The following GRIK4 variants were observed in gnomAD, a reference collection of about 807,000 sequenced individuals.
The protein encoded by GRIK4 is glutamate receptor ionotropic, kainate 4.
A neutral mutation model predicts 104.9 loss-of-function variants in GRIK4; 40 were observed. The ratio of observed to expected loss-of-function variants is 0.38; its 90% confidence interval spans 0.30 to 0.50. GRIK4 has a LOEUF of 0.50. GRIK4 is among the 20% of genes least tolerant of loss of function. The pLI, the probability that GRIK4 is intolerant of heterozygous loss-of-function variation, is 0.93. For missense variants in GRIK4, 1,047 were observed against 1,308.1 expected (o/e 0.80, Z 3.08); for synonymous variants, 485 against 524.9 (o/e 0.92, Z 1.04).
chr11:120,911,649 C>T (rs1416007322), intron 13 of GRIK4, among the ~76,000 whole-genome samples: 11 of 149,636 alleles, frequency 7.4e-5, no homozygotes, highest in Non-Finnish European at 1.5e-5. Context: ...CAAGACCAGC[C>T]TGGCCAACAT....
At chr11:120,865,541 A>G (rs78451682) in intron 9 of GRIK4, among the ~76,000 whole-genome samples, 5,322 of 152,308 alleles carry the variant, frequency 0.035, 286 homozygotes, top group African/African-American at 0.12. Flanking sequence ...AGGCCAGCCC[A>G]GCATATTCTT....
intron 1 of GRIK4, among the ~76,000 whole-genome samples, chr11:120,532,878 G>T (rs549832528): frequency 3.3e-5 from 5 of 152,260 alleles, no homozygotes; most frequent in African/African-American, 1.2e-4. Context: ...TGGAGACTTA[G>T]GGGATGAGCC....
chr11:120,838,590 C>T (rs1340261435), intron 8 of GRIK4, among the ~76,000 whole-genome samples: 4 of 152,058 alleles, frequency 2.6e-5, no homozygotes, highest in East Asian at 1.9e-4. Context: ...GTCAAGAAAA[C>T]GACAGCAGAA....
At chr11:120,785,859 C>T (rs1202932176) in intron 3 of GRIK4, among the ~76,000 whole-genome samples, 2 of 152,200 alleles carry the variant, frequency 1.3e-5, no homozygotes, top group Admixed American at 6.5e-5. Context: ...CTAACCTGCC[C>T]TCCTGGCCCT....
chr11:120,943,785 G>GT (rs772013956), intron 14 of GRIK4, among the ~76,000 whole-genome samples: 2 of 152,162 alleles, frequency 1.3e-5, no homozygotes, highest in Non-Finnish European at 2.9e-5. Flanking sequence ...TCAAACCTGT[G>GT]TGCGAATGTA....
intron 4 of GRIK4, among the ~76,000 whole-genome samples, chr11:120,806,821 C>T (rs565343885): frequency 1.3e-5 from 2 of 152,274 alleles, no homozygotes; most frequent in African/African-American, 2.4e-5. Flanking sequence ...TCAGCCCCCT[C>T]GTCTGATGGT....
intron 1 of GRIK4, among the ~76,000 whole-genome samples, chr11:120,587,670 C>G (rs780788724): frequency 1.2e-4 from 19 of 152,144 alleles, no homozygotes; most frequent in Non-Finnish European, 2.8e-4. Flanking sequence ...AGGCCCAGCC[C>G]ATTCATCCTA....
intron 11 of GRIK4, among the ~76,000 whole-genome samples, chr11:120,876,793 A>C (rs1369678264): frequency 6.6e-6 from 1 of 152,212 alleles, no homozygotes; most frequent in Non-Finnish European, 1.5e-5. Flanking sequence ...TGCAATAAAA[A>C]CACAGATTTT....
At chr11:120,754,054 C>T (rs139801118) in intron 3 of GRIK4, among the ~76,000 whole-genome samples, 139 of 152,066 alleles carry the variant, frequency 9.1e-4, no homozygotes, top group African/African-American at 3.2e-3. Context: ...TTTTTGGAGA[C>T]GGAGTCTTGC....
chr11:120,685,591 C>T (rs1950262862), intron 3 of GRIK4, among the ~76,000 whole-genome samples: 1 of 152,122 alleles, frequency 6.6e-6, no homozygotes, highest in Non-Finnish European at 1.5e-5. Context: ...TGGGGCAGGC[C>T]GGCTTTTTCT....
chr11:120,685,794 C>A (rs943393900), intron 3 of GRIK4, among the ~76,000 whole-genome samples: 1 of 152,170 alleles, frequency 6.6e-6, no homozygotes, highest in Non-Finnish European at 1.5e-5. Flanking sequence ...CTTTCTCAGT[C>A]CTTCTCTTAT....
intron 1 of GRIK4, among the ~76,000 whole-genome samples, chr11:120,649,112 G>T (rs1363678097): frequency 1.3e-5 from 2 of 152,166 alleles, no homozygotes; most frequent in South Asian, 4.1e-4. Context: ...ACTATTCTGA[G>T]CTTGGATGAC....
chr11:120,857,163 A>T (rs1025386330), intron 8 of GRIK4, among the ~76,000 whole-genome samples: 2 of 151,930 alleles, frequency 1.3e-5, no homozygotes, highest in Non-Finnish European at 1.5e-5. Flanking sequence ...TAGGACCTCC[A>T]CCTGTCTGGG....
At chr11:120,896,777 C>T (rs916399984) in intron 11 of GRIK4, among the ~76,000 whole-genome samples, 8 of 152,224 alleles carry the variant, frequency 5.3e-5, no homozygotes, top group South Asian at 2.1e-4. Context: ...CCCAGTTCTG[C>T]GGAATAGAAC....
At chr11:120,607,951 A>G (rs1948982696) in intron 1 of GRIK4, among the ~76,000 whole-genome samples, 1 of 152,146 alleles carries the variant, frequency 6.6e-6, no homozygotes, top group East Asian at 1.9e-4. Context: ...AAGAGATTGG[A>G]AAAGACAGTG....
intron 1 of GRIK4, among the ~76,000 whole-genome samples, chr11:120,512,484 C>T (rs900081873): frequency 9.9e-5 from 15 of 152,060 alleles, no homozygotes; most frequent in African/African-American, 3.1e-4. Context: ...CACACCCCCC[C>T]ACCCTGCACA....
chr11:120,796,778 C>T (rs900392219), intron 3 of GRIK4, among the ~76,000 whole-genome samples: 1 of 151,750 alleles, frequency 6.6e-6, no homozygotes, highest in Non-Finnish European at 1.5e-5. Context: ...TCAACAGGGA[C>T]AGCTCTTCAG....
intron 3 of GRIK4, among the ~76,000 whole-genome samples, chr11:120,670,472 C>T (rs1032673515): frequency 2.0e-5 from 3 of 152,228 alleles, no homozygotes; most frequent in Non-Finnish European, 4.4e-5. Flanking sequence ...GCCTCTCACT[C>T]ATGCCACACA....
At position 120,676,193 on chromosome 11, in the gene GRIK4, T is replaced by G. The variant is rs139148050; in HGVS notation, c.82+15793T>G. 7.3e-4 allele frequency among the ~76,000 whole-genome samples: 111 copies of G among 152,272 alleles called. 1 individual carries two copies. The East Asian group carries it at 0.02, about 28-fold the overall frequency. ...CATTTTCAAGGCCAGTAATGGTGGG[T>G]TGAGTCATTCTCGCCTCACAAGCTC... On this transcript the variant is annotated intron_variant, in intron 3 of 20. Transcript: ENST00000527524.
Sources: allele counts gnomAD v4.1 joint callset (sites outside exome capture counted in the v4.1 genomes callset), GRCh38; gene constraint gnomAD v4.1.1; transcripts MANE v1.5; gene names NCBI Gene and HGNC (gene_info 2026-07-23, HGNC 2026-07-21).